The following CBFB variants were observed in gnomAD, a reference collection of about 807,000 sequenced individuals.
The protein encoded by CBFB is core-binding factor subunit beta.
A neutral mutation model predicts 30.4 loss-of-function variants in CBFB; 9 were observed. That is an observed-to-expected ratio of 0.30 (90% CI 0.18 to 0.52). The LOEUF (loss-of-function observed/expected upper bound fraction) is 0.52, where lower values mean the gene tolerates loss of function less well. Among genes scored for constraint, CBFB ranks in the 20% least tolerant of loss-of-function variants. The probability of loss-of-function intolerance (pLI) is 0.97; values close to 1 mark genes in which losing one functional copy is unlikely to be tolerated. For synonymous variants in CBFB, 94 were observed against 84.0 expected (o/e 1.12, Z -0.65); for missense variants, 170 against 244.0 (o/e 0.70, Z 2.02).
At position 67,069,275 on chromosome 16, in the gene CBFB, T is replaced by C. The variant is rs986410238; in HGVS notation, c.399+2477T>C. Among the ~76,000 whole-genome samples, 50 of 151,332 alleles carry C rather than the reference T, an allele frequency of 3.3e-4. 1 individual carries two copies. Among genetic ancestry groups the C allele is most frequent in the African/African-American group, 1.1e-3 (47 of 41,158 alleles). ...ATCCCAGCTTCTCAGGAGGCTGAGT[T>C]AGGAGAATAGCTTGGACCCAGGAGG... On this transcript the variant is annotated intron_variant, in intron 4 of 5. Coordinates refer to ENST00000412916, the MANE Select transcript of CBFB (RefSeq NM_022845.3).
rs929057269 is a variant in CBFB, at chr16:67,100,151, T to C, written c.*1373T>C. 2 of 211,146 alleles carry C rather than the reference T, an allele frequency of 9.5e-6. No homozygotes were observed. The highest frequency in any genetic ancestry group is 4.5e-5 in the African/African-American group (2 of 44,088). The allele number at this position is 211,146 out of a possible 1,614,324, so 13.1% of individuals were successfully genotyped here. On this transcript the variant is annotated 3_prime_UTR_variant, in exon 6 of 6. Coordinates refer to ENST00000412916, the MANE Select transcript of CBFB (RefSeq NM_022845.3). ...ATTTTTCATGGTCACATTTATTAAA[T>C]GTTACTACATTTCTGAATTTTTGAA...
intron 3 of CBFB, among the ~76,000 whole-genome samples, chr16:67,063,579 C>G (rs1446274740): frequency 6.6e-6 from 1 of 152,004 alleles, no homozygotes; most frequent in Non-Finnish European, 1.5e-5. Context: ...GGAGCTGAGA[C>G]TACAGGCACA....
intron 5 of CBFB, among the ~76,000 whole-genome samples, chr16:67,091,727 T>C (rs1470249636): frequency 2.6e-5 from 4 of 152,250 alleles, no homozygotes; most frequent in Non-Finnish European, 5.9e-5. Context: ...TTTTACCCTT[T>C]TTAAAATTTT....
At chr16:67,077,520 T>C (rs987760346) in intron 4 of CBFB, among the ~76,000 whole-genome samples, 6 of 152,224 alleles carry the variant, frequency 3.9e-5, no homozygotes, top group African/African-American at 1.4e-4. Context: ...ACTGATTGTC[T>C]TTTATGTAAA....
chr16:67,030,076 A>C (rs2145703613), intron 2 of CBFB: 30 of 364,914 alleles, frequency 8.2e-5, no homozygotes, highest in Non-Finnish European at 1.0e-4. Flanking sequence ...GCCAGACTAA[A>C]CAAGCGAAGG....
chr16:67,081,503 T>C (rs1331741958), intron 4 of CBFB, among the ~76,000 whole-genome samples: 1 of 152,094 alleles, frequency 6.6e-6, no homozygotes, highest in Non-Finnish European at 1.5e-5. Context: ...GCTGTTTGTT[T>C]CTGTCGGAAT....
intron 2 of CBFB, among the ~76,000 whole-genome samples, chr16:67,034,511 A>G (rs771081484): frequency 1.1e-4 from 16 of 152,360 alleles, no homozygotes; most frequent in South Asian, 6.2e-4. Flanking sequence ...CATTAAAAGA[A>G]TTCCATGGTC....
intron 4 of CBFB, among the ~76,000 whole-genome samples, chr16:67,071,202 A>G (rs933166600): frequency 2.0e-5 from 3 of 152,196 alleles, no homozygotes; most frequent in Non-Finnish European, 2.9e-5. Flanking sequence ...GCAGGAGTTC[A>G]TAGTCGTATA....
chr16:67,054,240 A>G (rs1211292905), intron 3 of CBFB, among the ~76,000 whole-genome samples: 1 of 151,822 alleles, frequency 6.6e-6, no homozygotes, highest in Non-Finnish European at 1.5e-5. Flanking sequence ...TCTTTATTCT[A>G]CGATACTTTA....
chr16:67,092,696 A>ATTTTTTTTTTTTTTTTTTTTTTT (rs1162307047), intron 5 of CBFB, among the ~76,000 whole-genome samples: 8 of 94,662 alleles, frequency 8.5e-5, no homozygotes, highest in African/African-American at 2.8e-4. Context: ...CAGTGGTGCA[A>ATTTTTTTTTTTTTTTTTTTTTTT]TCTTTTTTTT....
chr16:67,054,284 A>G (rs557174509), intron 3 of CBFB, among the ~76,000 whole-genome samples: 1 of 152,204 alleles, frequency 6.6e-6, no homozygotes, highest in Admixed American at 6.5e-5. Flanking sequence ...GTTTGAGGTT[A>G]GAGATTATTT....
At chr16:67,089,797 G>C (rs1961832687) in intron 5 of CBFB, among the ~76,000 whole-genome samples, 1 of 152,122 alleles carries the variant, frequency 6.6e-6, no homozygotes, top group Non-Finnish European at 1.5e-5. Flanking sequence ...ATATAGCATT[G>C]AGAAAGTTGC....
intron 4 of CBFB, among the ~76,000 whole-genome samples, chr16:67,078,348 G>T (rs1332800460): frequency 6.6e-6 from 1 of 152,104 alleles, no homozygotes; most frequent in Non-Finnish European, 1.5e-5. Flanking sequence ...GGGAGTTCAA[G>T]ACCAGTCTGG....
chr16:67,040,972 G>C (rs1331311138), intron 3 of CBFB, among the ~76,000 whole-genome samples: 3 of 152,204 alleles, frequency 2.0e-5, no homozygotes, highest in African/African-American at 4.8e-5. Flanking sequence ...GGCCATTGTG[G>C]CTGGAGTAGA....
At chr16:67,043,376 C>A (rs1428543695) in intron 3 of CBFB, among the ~76,000 whole-genome samples, 1 of 152,166 alleles carries the variant, frequency 6.6e-6, no homozygotes, top group African/African-American at 2.4e-5. Flanking sequence ...TCCTTTTATT[C>A]ATTCTGTTGC....
chr16:67,032,138 A>T (rs1966361942), intron 2 of CBFB, among the ~76,000 whole-genome samples: 1 of 152,158 alleles, frequency 6.6e-6, no homozygotes. Context: ...AAATGCTGTA[A>T]TATTATAGTA....
intron 3 of CBFB, among the ~76,000 whole-genome samples, chr16:67,047,683 C>G (rs1408265230): frequency 6.6e-6 from 1 of 152,092 alleles, no homozygotes; most frequent in Non-Finnish European, 1.5e-5. Context: ...TGGGAGAACC[C>G]TTTAAATTTT....
chr16:67,078,698 G>T (rs1382821534), intron 4 of CBFB, among the ~76,000 whole-genome samples: 1 of 152,146 alleles, frequency 6.6e-6, no homozygotes, highest in African/African-American at 2.4e-5. Flanking sequence ...GCCCAGGCTG[G>T]AGTGCAATGG....
intron 4 of CBFB, among the ~76,000 whole-genome samples, chr16:67,067,498 A>G (rs1247044787): frequency 3.3e-5 from 5 of 152,226 alleles, no homozygotes; most frequent in African/African-American, 4.8e-5. Context: ...AGGCTGGGCA[A>G]CAGAACAAAA....
Sources: gnomAD v4.1 joint callset for allele counts (sites outside exome capture counted in the v4.1 genomes callset) on GRCh38, gnomAD v4.1.1 for gene constraint, MANE v1.5 for transcripts, NCBI Gene and HGNC (gene_info 2026-07-23, HGNC 2026-07-21) for gene names.